MYT1L: variants seen among roughly 807,000 people sequenced by gnomAD.
The protein encoded by MYT1L is myelin transcription factor 1 like, also known as myelin transcription factor 1-like protein.
In MYT1L, 12 loss-of-function variants were observed where a neutral mutation model predicts 126.7. The ratio of observed to expected loss-of-function variants is 0.09; its 90% confidence interval spans 0.06 to 0.15. The LOEUF is 0.15. Ranked by LOEUF, MYT1L falls within the 10% of genes least tolerant of loss-of-function variation. The pLI, the probability that MYT1L is intolerant of heterozygous loss-of-function variation, is 1.00. For synonymous variants in MYT1L, 541 were observed against 604.2 expected (o/e 0.90, Z 1.53); for missense variants, 979 against 1,585.2 (o/e 0.62, Z 6.49).
chr2:2,099,429 C>A (rs1468538550), intron 3 of MYT1L, among the ~76,000 whole-genome samples: 2 of 151,864 alleles, frequency 1.3e-5, no homozygotes, highest in Non-Finnish European at 2.9e-5. Flanking sequence ...CTGAAAGGCT[C>A]ATGGCAAACA....
intron 19 of MYT1L, among the ~76,000 whole-genome samples, chr2:1,850,555 C>T (rs1263551133): frequency 6.6e-6 from 1 of 152,148 alleles, no homozygotes; most frequent in African/African-American, 2.4e-5. Flanking sequence ...GATATGTTCA[C>T]AAAGGTTTTC....
Position 1,979,120 on chromosome 2 carries a change from G to C in MYT1L, c.152+45C>G. 6.5e-7 allele frequency: 1 copy of C among 1,535,982 alleles called. No homozygotes were observed. The highest frequency in any genetic ancestry group is 8.9e-7 in the Non-Finnish European group (1 of 1,117,956). On this transcript the variant is annotated intron_variant, in intron 8 of 24. Coordinates refer to ENST00000647738, the MANE Select transcript of MYT1L (RefSeq NM_001303052.2). This position sits in a 1 kb window ranked among gnomAD's most constrained non-coding sequence, Gnocchi z 4.0. ...TCATCAGGACTGGGTCCCCAAATAA[G>C]TCACTTTAGACAGCACATTGTGGAA...
intron 2 of MYT1L, among the ~76,000 whole-genome samples, chr2:2,279,573 G>GAAGA (rs1479551057): frequency 2.4e-5 from 1 of 42,106 alleles, no homozygotes; most frequent in African/African-American, 8.5e-5. Flanking sequence ...ATGAATGAAG[G>GAAGA]AAGGAAGGAA....
chr2:1,863,120 C>T (rs577018489), intron 18 of MYT1L, among the ~76,000 whole-genome samples: 4 of 152,240 alleles, frequency 2.6e-5, no homozygotes, highest in African/African-American at 9.6e-5. Context: ...GGGGCTCAAT[C>T]CCTGCTCTGA....
At chr2:2,281,440 G>A (rs1385425887) in intron 2 of MYT1L, among the ~76,000 whole-genome samples, 2 of 152,162 alleles carry the variant, frequency 1.3e-5, no homozygotes, top group East Asian at 3.9e-4. Context: ...TATAATTGTT[G>A]TGTAATATGT....
intron 2 of MYT1L, among the ~76,000 whole-genome samples, chr2:2,215,396 C>T (rs1437789249): frequency 6.6e-6 from 1 of 152,148 alleles, no homozygotes; most frequent in Non-Finnish European, 1.5e-5. Flanking sequence ...TAGAGTGGCT[C>T]TGTTAATAAC....
intron 3 of MYT1L, among the ~76,000 whole-genome samples, chr2:2,130,239 T>A (rs1177198129): frequency 6.6e-6 from 1 of 151,966 alleles, no homozygotes; most frequent in Non-Finnish European, 1.5e-5. Context: ...CCAGCCTCCT[T>A]AGCAGCTGGA....
intron 21 of MYT1L, among the ~76,000 whole-genome samples, chr2:1,835,142 C>T (rs1472922638): frequency 1.3e-5 from 2 of 152,178 alleles, no homozygotes; most frequent in East Asian, 1.9e-4. Flanking sequence ...TACTCCTCCA[C>T]ATACCATGGG....
Position 1,889,486 on chromosome 2 carries a change from A to G in MYT1L, c.2284-9T>C. ...ACCTCCATGTCAGGGTTCTGTCGGT[A>G]GAAAGACATAGTGACTGTGCTTGGC... On this transcript the variant is annotated splice_polypyrimidine_tract_variant and intron_variant, in intron 15 of 24. Transcript: ENST00000647738. The surrounding 1 kb of genome is among the most constrained non-coding windows in gnomAD (Gnocchi z 4.1). 1 of 1,583,560 alleles carries G rather than the reference A, an allele frequency of 6.3e-7. No homozygotes were observed. The highest frequency in any genetic ancestry group is 8.6e-7 in the Non-Finnish European group (1 of 1,162,056).
chr2:1,986,713 C>T (rs890894245), intron 5 of MYT1L, among the ~76,000 whole-genome samples: 3 of 152,120 alleles, frequency 2.0e-5, no homozygotes, highest in African/African-American at 7.2e-5. Context: ...TTTGGGGAAG[C>T]GCTAGGGGCC....
intron 9 of MYT1L, among the ~76,000 whole-genome samples, chr2:1,928,688 A>G (rs13420325): frequency 0.045 from 6,846 of 151,980 alleles, 227 homozygotes; most frequent in Non-Finnish European, 0.059. Flanking sequence ...TCTCCTTTCA[A>G]TACTCTGCAT....
intron 3 of MYT1L, among the ~76,000 whole-genome samples, chr2:2,092,019 G>C (rs946458944): frequency 1.3e-5 from 2 of 152,118 alleles, no homozygotes; most frequent in East Asian, 1.9e-4. Flanking sequence ...CAGCAATAAG[G>C]CTGGTTCCAT....
intron 3 of MYT1L, among the ~76,000 whole-genome samples, chr2:2,151,237 G>T (rs570654140): frequency 6.6e-6 from 1 of 152,210 alleles, no homozygotes; most frequent in Admixed American, 6.5e-5. Context: ...ATTTTTCTGT[G>T]GTGCTATAGA....
chr2:2,152,232 C>T (rs962043233), intron 3 of MYT1L, among the ~76,000 whole-genome samples: 1 of 152,258 alleles, frequency 6.6e-6, no homozygotes, highest in African/African-American at 2.4e-5. Context: ...GGACGAACTG[C>T]TGGGTAGCCC....
intron 4 of MYT1L, among the ~76,000 whole-genome samples, chr2:2,012,821 G>T (rs987298421): frequency 1.3e-5 from 2 of 152,130 alleles, no homozygotes; most frequent in Admixed American, 6.5e-5. Flanking sequence ...CTGTGGTACC[G>T]CAGTGTTGTA....
chr2:1,822,113 C>T (rs908540237), intron 21 of MYT1L, among the ~76,000 whole-genome samples: 3 of 152,310 alleles, frequency 2.0e-5, no homozygotes, highest in Admixed American at 6.5e-5. Flanking sequence ...TTTCTCTCCA[C>T]CCCCATCCTC....
chr2:1,852,249 T>G lies in MYT1L; in HGVS notation c.2712-546A>C, dbSNP rs1003917831. ...TCGACCCGCATCTGGACCATGGGAA[T>G]GCAGGCCGACTGTCTTTCCGATGAC... On this transcript the variant is annotated intron_variant, in intron 18 of 24. Coordinates refer to ENST00000647738, the MANE Select transcript of MYT1L (RefSeq NM_001303052.2). The surrounding 1 kb of genome is among the most constrained non-coding windows in gnomAD (Gnocchi z 4.0). 5.9e-5 allele frequency among the ~76,000 whole-genome samples: 9 copies of G among 152,168 alleles called. No homozygotes were observed. The highest frequency in any genetic ancestry group is 1.2e-4 in the Non-Finnish European group (8 of 68,028).
chr2:2,291,802 A>G lies in MYT1L; in HGVS notation c.-520-7299T>C, dbSNP rs1452086182. ...CAGGTGCCAGCTCTTGCATTACAGG[A>G]GCCCACATGACCGGGTCTGAAAAGA... On this transcript the variant is annotated intron_variant, in intron 1 of 24. Transcript: ENST00000647738. Among the ~76,000 whole-genome samples the G allele has an allele frequency of 2.6e-5, 4 of 152,192 alleles. No homozygotes were observed. The East Asian group carries it at 5.8e-4, about 22-fold the overall frequency.
chr2:1,801,787 T>A lies in MYT1L; in HGVS notation c.3185A>T (p.Asp1062Val). 6.3e-7 allele frequency: 1 copy of A among 1,589,276 alleles called. No individual in the cohort carries two copies. The highest frequency in any genetic ancestry group is 1.1e-5 in the South Asian group (1 of 89,728). Residue 1062 changes from aspartate to valine, a missense_variant, in exon 23 of 25, where the codon GAT (aspartate) becomes GTT (valine). Physicochemically the swap from Asp to Val is radical, Grantham distance 152 (BLOSUM62 -3). Around this residue, in one of 12 missense-constraint regions of MYT1L, gnomAD observed 179 missense variants for 398.6 expected, o/e 0.45. Coordinates refer to ENST00000647738, the MANE Select transcript of MYT1L (RefSeq NM_001303052.2). This position sits in a 1 kb window ranked among gnomAD's most constrained non-coding sequence, Gnocchi z 4.2. ...KQRASNGIEN[D>V]EEIKQLDEEI... ...TTCATCTAACTGTTTGATTTCTTCA[T>A]CATTTTCTATACCTGTAATAATGAA...
Sources: gnomAD v4.1 joint callset for allele counts (sites outside exome capture counted in the v4.1 genomes callset) on GRCh38, gnomAD v4.1.1 for gene constraint, gnomAD v4.1.1 regional missense constraint, Gnocchi (gnomAD v3.1) non-coding constraint, MANE v1.5 for transcripts, NCBI Gene and HGNC (gene_info 2026-07-23, HGNC 2026-07-21) for gene names.